HGSNAT: variants seen among roughly 807,000 people sequenced by gnomAD.
HGSNAT encodes heparan-alpha-glucosaminide N-acetyltransferase.
A neutral mutation model predicts 85.2 loss-of-function variants in HGSNAT; 59 were observed. The ratio of observed to expected loss-of-function variants is 0.69; its 90% CI spans 0.56 to 0.86. HGSNAT has a LOEUF of 0.86. Among genes scored for constraint, HGSNAT ranks in the 40% least tolerant of loss-of-function variants. The pLI, the probability that HGSNAT is intolerant of heterozygous loss-of-function variation, is 0.00. For missense variants in HGSNAT, 756 were observed against 777.1 expected, an observed-to-expected ratio of 0.97 and a Z score of 0.32; for synonymous variants, 321 against 304.5, an observed-to-expected ratio of 1.05 and a Z score of -0.56.
At chr8:43,198,444 C>T (rs1182449645) in intron 17 of HGSNAT, among the ~76,000 whole-genome samples, 2 of 151,994 alleles carry the variant, frequency 1.3e-5, no homozygotes, top group African/African-American at 4.8e-5. Context: ...CCCGCCACCA[C>T]GCCCAGCTAA....
chr8:43,156,942 G>A (rs746901883), intron 2 of HGSNAT, among the ~76,000 whole-genome samples: 18 of 152,098 alleles, frequency 1.2e-4, no homozygotes, highest in Non-Finnish European at 2.4e-4. Context: ...GCAGCATACA[G>A]TTGGGTCTGT....
intron 5 of HGSNAT, among the ~76,000 whole-genome samples, chr8:43,164,020 A>G (rs555526982): frequency 1.4e-4 from 22 of 152,358 alleles, no homozygotes; most frequent in African/African-American, 5.3e-4. Flanking sequence ...TGCACTGGCT[A>G]TGTGACGGTA....
chr8:43,150,232 C>CG (rs1344204376), intron 2 of HGSNAT, among the ~76,000 whole-genome samples: 2 of 152,062 alleles, frequency 1.3e-5, no homozygotes, highest in Non-Finnish European at 2.9e-5. Flanking sequence ...GGATTACCGA[C>CG]GTGAGCCACC....
chr8:43,194,065 ACTTATATGGCTTAT>A (rs1804630922), intron 14 of HGSNAT: 1 of 1,319,896 alleles, frequency 7.6e-7, no homozygotes, highest in Non-Finnish European at 9.7e-7. Context: ...AAAAATTCTT[ACTTATATGGCTTAT>A]CTTAGCACGG....
At chr8:43,175,700 G>A (rs1586730562) in intron 9 of HGSNAT, among the ~76,000 whole-genome samples, 1 of 151,052 alleles carries the variant, frequency 6.6e-6, no homozygotes, top group Admixed American at 6.6e-5. Flanking sequence ...CGAGTAGCTG[G>A]GATTACAGGT....
intron 4 of HGSNAT, 117 bp from the exon 5 acceptor site, chr8:43,161,321 T>G: frequency 4.1e-6 from 3 of 729,778 alleles, no homozygotes; most frequent in Non-Finnish European, 6.9e-6. Flanking sequence ...AAATTCAGCA[T>G]GAGAATATAG....
In HGSNAT at chr8:43,159,044, C is replaced by T. The variant is rs371273730; in HGVS notation, c.493C>T (p.Pro165Ser). ...VNEDPVDSNL[P>S]VSIAFLIGLA... is the part of the protein sequence containing the mutation. ...CGAGGATCCAGTTGATAGTAACCTT[C>T]GTACGTATATGTTCTCTGCTGATTT... The change falls in exon 4 of 18, where the codon CCT becomes TCT. Residue 165 changes from proline to serine, a missense_variant and splice_region_variant. Transcript: ENST00000379644. 132 of 1,612,982 alleles carry T rather than the reference C, an allele frequency of 8.2e-5. No homozygotes were observed. The highest frequency in any genetic ancestry group is 6.6e-4 in the Middle Eastern group (4 of 6,060).
At chr8:43,159,129 C>A in intron 4 of HGSNAT, 85 bp downstream of exon 4, 2 of 1,394,984 alleles carry the variant, frequency 1.4e-6, no homozygotes, top group Non-Finnish European at 9.8e-7. Flanking sequence ...CAAAGCAGTC[C>A]ATGACGCTTT....
chr8:43,179,801 C>T, intron 10 of HGSNAT, among the ~76,000 whole-genome samples: 1 of 45,560 alleles, frequency 2.2e-5, no homozygotes, highest in African/African-American at 1.0e-4. Context: ...AGAGGCGCCC[C>T]TCACCTCCCG....
chr8:43,166,931 T>G (rs993043614), intron 5 of HGSNAT, among the ~76,000 whole-genome samples: 1 of 152,186 alleles, frequency 6.6e-6, no homozygotes, highest in African/African-American at 2.4e-5. Context: ...AACAGGAGTT[T>G]GGAGGAAGTT....
intron 5 of HGSNAT, among the ~76,000 whole-genome samples, chr8:43,163,640 C>T (rs1803340429): frequency 6.6e-6 from 1 of 151,732 alleles, no homozygotes; most frequent in Admixed American, 6.6e-5. Flanking sequence ...AATTCTCTGC[C>T]TCAGCCTCCC....
chr8:43,158,898 T>C, intron 3 of HGSNAT, 25 bp from the exon 4 acceptor site: 1 of 1,593,704 alleles, frequency 6.3e-7, no homozygotes, highest in Non-Finnish European at 8.6e-7. Flanking sequence ...TAACCACTTG[T>C]CTTAATTTTA....
intron 15 of HGSNAT, 90 bp downstream of exon 15, chr8:43,197,115 C>T (rs868222898): frequency 2.4e-6 from 2 of 832,650 alleles, no homozygotes; most frequent in Admixed American, 2.0e-5. Flanking sequence ...ACTGAGCTAG[C>T]CATTGTCACC....
intron 6 of HGSNAT, among the ~76,000 whole-genome samples, chr8:43,170,263 T>TG (rs1378804999): frequency 3.9e-5 from 6 of 152,102 alleles, no homozygotes; most frequent in Non-Finnish European, 5.9e-5. Flanking sequence ...AGGCAGATCA[T>TG]GAGGTCAGGA....
intron 9 of HGSNAT, among the ~76,000 whole-genome samples, chr8:43,177,643 G>A (rs1370022174): frequency 1.3e-5 from 2 of 152,078 alleles, no homozygotes; most frequent in East Asian, 1.9e-4. Context: ...TAGACTAAAT[G>A]GAGAGAGAAA....
intron 10 of HGSNAT, among the ~76,000 whole-genome samples, chr8:43,179,620 C>A (rs1188023412): frequency 8.7e-4 from 43 of 49,410 alleles, no homozygotes; most frequent in Middle Eastern, 0.019. Flanking sequence ...CGGGCAGAGG[C>A]GCCCCTCACC....
chr8:43,152,065 G>A (rs548081292), intron 2 of HGSNAT, among the ~76,000 whole-genome samples: 1 of 152,322 alleles, frequency 6.6e-6, no homozygotes, highest in South Asian at 2.1e-4. Context: ...CAGGTGGGCA[G>A]ATCACTTGAA....
rs1455364233 is a variant in HGSNAT, at chr8:43,202,836, A to G, written c.*3267A>G. 1 of 152,270 alleles carries G rather than the reference A, an allele frequency of 6.6e-6. No homozygotes were observed. Among genetic ancestry groups the G allele is most frequent in the Non-Finnish European group, 1.5e-5 (1 of 68,044 alleles). 9.4% of individuals were successfully genotyped at this position (152,270 alleles called of 1,614,324 possible). A position where few individuals can be genotyped will look rare whatever the true frequency, so the allele number is the denominator to read the frequency against. On this transcript the variant is annotated 3_prime_UTR_variant, in exon 18 of 18. Coordinates refer to ENST00000379644, the MANE Select transcript of HGSNAT (RefSeq NM_152419.3). ...TGGGGGAGACAAATGGACTTTGAGT[A>G]AATTTCTTAGCATATCAAACTGCCT...
At position 43,200,634 on chromosome 8, in the gene HGSNAT, T is replaced by G. The variant is rs1804886843; in HGVS notation, c.*1065T>G. 6.6e-6 allele frequency: 1 copy of G among 152,446 alleles called. No individual in the cohort carries two copies. The highest frequency in any genetic ancestry group is 6.5e-5 in the Admixed American group (1 of 15,288). The allele number at this position is 152,446 out of a possible 1,614,324, so 9.4% of individuals were successfully genotyped here. ...ACTTGTCATCACACAGCTGAAGACA[T>G]TGTTTCTTAGGTGTGAAATCGGGGA... On this transcript the variant is annotated 3_prime_UTR_variant, in exon 18 of 18. Coordinates refer to ENST00000379644, the MANE Select transcript of HGSNAT (RefSeq NM_152419.3).
Sources: allele counts gnomAD v4.1 joint callset (sites outside exome capture counted in the v4.1 genomes callset), GRCh38; gene constraint gnomAD v4.1.1; transcripts MANE v1.5; gene names NCBI Gene and HGNC (gene_info 2026-07-23, HGNC 2026-07-21).